CREB5: variants seen among roughly 807,000 people sequenced by gnomAD.
CREB5 encodes cyclic AMP-responsive element-binding protein 5.
CREB5 carries 19 observed loss-of-function variants against 57.1 expected under a neutral mutation model. The observed-to-expected ratio is 0.33, with a 90% CI of 0.23 to 0.49. CREB5 has a LOEUF of 0.49. Ranked by LOEUF, CREB5 falls within the 20% of genes least tolerant of loss-of-function variation. The pLI is 0.99. For synonymous variants in CREB5, 238 were observed against 238.3 expected (o/e 1.00, Z 0.01); for missense variants, 579 against 671.6 (o/e 0.86, Z 1.52).
intron 1 of CREB5, among the ~76,000 whole-genome samples, chr7:28,435,893 G>T (rs1428973438): frequency 6.6e-6 from 1 of 152,080 alleles, no homozygotes; most frequent in Non-Finnish European, 1.5e-5. Flanking sequence ...AACCAGAAAG[G>T]GGTGAGTAAT....
intron 5 of CREB5, among the ~76,000 whole-genome samples, chr7:28,712,193 T>G (rs1802428431): frequency 6.6e-6 from 1 of 152,166 alleles, no homozygotes; most frequent in Non-Finnish European, 1.5e-5. Context: ...ATTGTCTTTC[T>G]GTTTAACCTT....
chr7:28,801,388 T>C (rs886790316), intron 7 of CREB5, among the ~76,000 whole-genome samples: 5 of 152,234 alleles, frequency 3.3e-5, no homozygotes, highest in Admixed American at 6.5e-5. Context: ...TAAAAAGGCA[T>C]GATGATTTCA....
chr7:28,676,508 C>T (rs1800328365), intron 5 of CREB5, among the ~76,000 whole-genome samples: 1 of 152,192 alleles, frequency 6.6e-6, no homozygotes, highest in African/African-American at 2.4e-5. Context: ...CTGGGTCACT[C>T]GTGTTTTTGG....
chr7:28,352,918 G>A (rs958020353), intron 1 of CREB5, among the ~76,000 whole-genome samples: 3 of 152,190 alleles, frequency 2.0e-5, no homozygotes, highest in Non-Finnish European at 2.9e-5. Flanking sequence ...GACTTTACAC[G>A]TGTTCTCATC....
At chr7:28,558,957 G>A (rs755650124) in intron 4 of CREB5, among the ~76,000 whole-genome samples, 2 of 152,170 alleles carry the variant, frequency 1.3e-5, no homozygotes, top group African/African-American at 4.8e-5. Flanking sequence ...TGCACCGCCA[G>A]ACTAGATTTG....
intron 4 of CREB5, among the ~76,000 whole-genome samples, chr7:28,549,716 CTGTTT>C (rs140599134): frequency 4.9e-4 from 74 of 151,840 alleles, no homozygotes; most frequent in Non-Finnish European, 9.6e-4. Context: ...TTTTAACATC[CTGTTT>C]TATTTTGGTT....
chr7:28,633,696 T>TG (rs1213556386), intron 5 of CREB5, among the ~76,000 whole-genome samples: 2 of 151,996 alleles, frequency 1.3e-5, no homozygotes, highest in African/African-American at 4.8e-5. Context: ...ATGACAGTAG[T>TG]GGGGGTGGGG....
At chr7:28,583,276 T>C (rs1475651262) in intron 5 of CREB5, among the ~76,000 whole-genome samples, 1 of 152,198 alleles carries the variant, frequency 6.6e-6, no homozygotes, top group African/African-American at 2.4e-5. Flanking sequence ...TTGGGTATGA[T>C]AAAGCAAGTA....
intron 7 of CREB5, among the ~76,000 whole-genome samples, chr7:28,787,544 A>G (rs988455675): frequency 6.6e-6 from 1 of 152,196 alleles, no homozygotes; most frequent in African/African-American, 2.4e-5. Flanking sequence ...ATTAGATCCT[A>G]TGGTTATAGA....
chr7:28,432,657 G>A (rs919018602), intron 1 of CREB5, among the ~76,000 whole-genome samples: 17 of 152,256 alleles, frequency 1.1e-4, no homozygotes, highest in East Asian at 1.9e-4. Flanking sequence ...GTTCCTGTCC[G>A]AGTCAGAAAG....
At chr7:28,682,803 T>C (rs1444461933) in intron 5 of CREB5, among the ~76,000 whole-genome samples, 1 of 152,180 alleles carries the variant, frequency 6.6e-6, no homozygotes, top group African/African-American at 2.4e-5. Context: ...AGGTCTACTC[T>C]AGTTGGCTGT....
At chr7:28,740,717 G>A (rs1375785255) in intron 7 of CREB5, among the ~76,000 whole-genome samples, 2 of 152,096 alleles carry the variant, frequency 1.3e-5, no homozygotes, top group East Asian at 1.9e-4. Flanking sequence ...CAAGGCTTGC[G>A]TCTTCGTTCT....
chr7:28,759,245 A>G (rs1374652111), intron 7 of CREB5, among the ~76,000 whole-genome samples: 2 of 152,226 alleles, frequency 1.3e-5, no homozygotes, highest in Non-Finnish European at 2.9e-5. Flanking sequence ...AACTCAGCTG[A>G]GTTTGAGCTA....
At chr7:28,749,184 T>G (rs1468492957) in intron 7 of CREB5, 1 of 152,228 alleles carries the variant, frequency 6.6e-6, no homozygotes, top group Non-Finnish European at 1.5e-5. Flanking sequence ...CAGCAACTTT[T>G]CCAAACAACA....
At chr7:28,629,078 A>G (rs889591757) in intron 5 of CREB5, among the ~76,000 whole-genome samples, 2 of 152,178 alleles carry the variant, frequency 1.3e-5, no homozygotes, top group African/African-American at 4.8e-5. Context: ...GTCATCTTGG[A>G]CCAAATGGTG....
At chr7:28,633,074 A>G (rs996197570) in intron 5 of CREB5, among the ~76,000 whole-genome samples, 5 of 152,166 alleles carry the variant, frequency 3.3e-5, no homozygotes, top group Admixed American at 2.0e-4. Flanking sequence ...ACATCAATTT[A>G]TTTCACCTTT....
At chr7:28,467,315 C>T (rs573834134) in intron 1 of CREB5, among the ~76,000 whole-genome samples, 2 of 152,278 alleles carry the variant, frequency 1.3e-5, no homozygotes, top group South Asian at 4.2e-4. Context: ...CTGGCCATGC[C>T]ATTATGCAGA....
At chr7:28,337,219 C>T (rs1240211421) in intron 1 of CREB5, among the ~76,000 whole-genome samples, 1 of 151,980 alleles carries the variant, frequency 6.6e-6, no homozygotes, top group Non-Finnish European at 1.5e-5. Context: ...AGTTAATCTA[C>T]AGTGCAGATT....
At chr7:28,531,352 C>G (rs918061145) in intron 4 of CREB5, among the ~76,000 whole-genome samples, 2 of 152,262 alleles carry the variant, frequency 1.3e-5, no homozygotes, top group South Asian at 2.1e-4. Flanking sequence ...CTCCAAGCCT[C>G]CCTCCTGGCT....
Sources: gnomAD v4.1 joint callset for allele counts (sites outside exome capture counted in the v4.1 genomes callset) on GRCh38, gnomAD v4.1.1 for gene constraint, MANE v1.5 for transcripts, NCBI Gene and HGNC (gene_info 2026-07-23, HGNC 2026-07-21) for gene names.